The following SATB2 variants were observed in gnomAD, a reference collection of about 807,000 sequenced individuals.
SATB2 encodes DNA-binding protein SATB2.
In SATB2, 1 loss-of-function variant was observed where a neutral mutation model predicts 73.4. The ratio of observed to expected loss-of-function variants is 0.01; its 90% CI spans 0.00 to 0.06. The LOEUF (loss-of-function observed/expected upper bound fraction) is 0.06. SATB2 is among the 10% of genes least tolerant of loss of function. The pLI, the probability that SATB2 is intolerant of heterozygous loss-of-function variation, is 1.00. For synonymous variants in SATB2, 397 were observed against 367.0 expected (o/e 1.08, Z -0.93); for missense variants, 459 against 945.8 (o/e 0.49, Z 6.75).
At chr2:199,383,969 T>C (rs1689854709) in intron 3 of SATB2, among the ~76,000 whole-genome samples, 1 of 152,348 alleles carries the variant, frequency 6.6e-6, no homozygotes, top group South Asian at 2.1e-4. Context: ...GGTGGTTGCA[T>C]GGTTATACAA....
At chr2:199,367,984 C>T (rs1243297604) in intron 6 of SATB2, among the ~76,000 whole-genome samples, 1 of 151,984 alleles carries the variant, frequency 6.6e-6, no homozygotes, top group Non-Finnish European at 1.5e-5. Context: ...TAGTAGTATA[C>T]TATTATTTGT....
chr2:199,346,273 C>T (rs1688649102), intron 7 of SATB2, among the ~76,000 whole-genome samples: 2 of 151,982 alleles, frequency 1.3e-5, no homozygotes, highest in African/African-American at 4.8e-5. Flanking sequence ...CCTCAGCCTC[C>T]CAAGTAGCTG....
At chr2:199,330,965 G>A (rs935057732) in intron 7 of SATB2, among the ~76,000 whole-genome samples, 1 of 151,980 alleles carries the variant, frequency 6.6e-6, no homozygotes, top group South Asian at 2.1e-4. Flanking sequence ...GAGTTTTAGG[G>A]TCAACACGGA....
intron 6 of SATB2, among the ~76,000 whole-genome samples, chr2:199,351,837 C>T (rs1207132360): frequency 6.6e-6 from 1 of 152,114 alleles, no homozygotes; most frequent in African/African-American, 2.4e-5. Flanking sequence ...TTTTCAGGTT[C>T]TTAATAAGGA....
At chr2:199,407,476 C>G (rs1001831257) in intron 3 of SATB2, among the ~76,000 whole-genome samples, 5 of 152,030 alleles carry the variant, frequency 3.3e-5, no homozygotes, top group Non-Finnish European at 5.9e-5. Flanking sequence ...CTCTAAGAAT[C>G]TTATCAAAGA....
rs963462429 is a variant in SATB2, at chr2:199,414,673, C to G, written c.346+18665G>C. ...GTGACTCGGTGTGTCAAAGCGCTCA[C>G]TCAAGACTCCGGTGCCAGCCTTTCC... On this transcript the variant is annotated intron_variant, in intron 3 of 10. Transcript: ENST00000417098. Among the ~76,000 whole-genome samples the G allele has an allele frequency of 2.6e-5, 4 of 152,120 alleles. 1 individual carries two copies. Among genetic ancestry groups the G allele is most frequent in the Admixed American group, 2.6e-4 (4 of 15,268 alleles).
intron 2 of SATB2, among the ~76,000 whole-genome samples, chr2:199,440,819 G>A (rs964325012): frequency 5.3e-5 from 8 of 151,256 alleles, no homozygotes; most frequent in Non-Finnish European, 1.0e-4. Flanking sequence ...CAATTTTCCA[G>A]TTATGAGGAA....
rs1690340578 is a variant in SATB2 at position 199,397,658 on chromosome 2, G to A, written c.347-15838C>T. The stretch of plus-strand genomic sequence containing the variant: ...AATCCCAGTACTTTGGGAGGCCGAG[G>A]TGGGCATTTCACTTGAGGTCAGGAG... On this transcript the variant is annotated intron_variant, in intron 3 of 10. Coordinates refer to ENST00000417098, the MANE Select transcript of SATB2 (RefSeq NM_001172509.2). 5.5e-5 allele frequency: 14 copies of A among 254,322 alleles called. No individual in the cohort carries two copies. In the Admixed American group the frequency reaches 7.2e-4, roughly 13 times the overall value. 15.8% of individuals were successfully genotyped at this position (254,322 alleles called of 1,614,324 possible).
intron 3 of SATB2, among the ~76,000 whole-genome samples, chr2:199,390,639 T>C (rs999716380): frequency 5.9e-5 from 9 of 152,200 alleles, no homozygotes; most frequent in African/African-American, 1.7e-4. Context: ...TCATAACTTA[T>C]GTTTAGCCAG....
chr2:199,384,775 A>G (rs1456236418), intron 3 of SATB2, among the ~76,000 whole-genome samples: 1 of 152,236 alleles, frequency 6.6e-6, no homozygotes, highest in African/African-American at 2.4e-5. Context: ...CTGGAACAAT[A>G]AAAGTACTGA....
chr2:199,465,980 C>A (rs1245845125), upstream of SATB2, among the ~76,000 whole-genome samples: 2 of 152,212 alleles, frequency 1.3e-5, no homozygotes, highest in Non-Finnish European at 2.9e-5. Flanking sequence ...CCTGTGCACT[C>A]ATATCTCCTG....
intron 4 of SATB2, among the ~76,000 whole-genome samples, chr2:199,381,174 T>C (rs1032652038): frequency 7.3e-6 from 1 of 136,114 alleles, no homozygotes; most frequent in African/African-American, 2.7e-5. Context: ...CCAGAATCTC[T>C]GCAGGCCACA....
rs1214660863 is a variant in SATB2, at chr2:199,455,441, A to T, written c.169+428T>A. Among the ~76,000 whole-genome samples the T allele has an allele frequency of 6.6e-6, 1 of 152,220 alleles. No homozygotes were observed. Among genetic ancestry groups the T allele is most frequent in the Non-Finnish European group, 1.5e-5 (1 of 68,038 alleles). On this transcript the variant is annotated intron_variant, in intron 2 of 10. Coordinates refer to ENST00000417098, the MANE Select transcript of SATB2 (RefSeq NM_001172509.2). This position sits in a 1 kb window ranked among gnomAD's most constrained non-coding sequence, Gnocchi z 4.1. ...GAAGCACTGTCCTCACTACAAAGTA[A>T]CATCAACTCTCCTTGTTCCTGTACT...
chr2:199,398,186 TGGGTCATA>T (rs1017654121), intron 3 of SATB2, among the ~76,000 whole-genome samples: 3 of 152,222 alleles, frequency 2.0e-5, no homozygotes, highest in Admixed American at 2.0e-4. Context: ...CTAGAGAATC[TGGGTCATA>T]GGGAACTGCT....
At chr2:199,430,048 G>A (rs767347303) in intron 3 of SATB2, among the ~76,000 whole-genome samples, 2 of 152,124 alleles carry the variant, frequency 1.3e-5, no homozygotes, top group East Asian at 1.9e-4. Context: ...TTGCCATCAC[G>A]GCTGCCTCCC....
intron 10 of SATB2, among the ~76,000 whole-genome samples, chr2:199,287,662 A>G (rs1373187613): frequency 3.3e-5 from 5 of 152,156 alleles, no homozygotes; most frequent in Non-Finnish European, 7.4e-5. Flanking sequence ...GAAATAAAGC[A>G]TTACTATTAC....
At chr2:199,309,003 G>C in intron 9 of SATB2, 46 bp from the exon 10 acceptor site, 1 of 1,505,284 alleles carries the variant, frequency 6.6e-7, no homozygotes, top group Non-Finnish European at 9.2e-7. Context: ...GAGTGTAGAG[G>C]AGCTGAGGGG....
rs558418609 is a variant in SATB2, at chr2:199,350,814, G to A, written c.701-1641C>T. ...GAGGCTGGTGGATCACCTGAGGTCA[G>A]GAGTTTGATACCAGCCTGGCCAACA... On this transcript the variant is annotated intron_variant, in intron 6 of 10. Coordinates refer to ENST00000417098, the MANE Select transcript of SATB2 (RefSeq NM_001172509.2). Among the ~76,000 whole-genome samples the A allele has an allele frequency of 3.9e-5, 6 of 152,124 alleles. No homozygotes were observed. The South Asian group carries it at 1.2e-3, about 32-fold the overall frequency.
intron 3 of SATB2, among the ~76,000 whole-genome samples, chr2:199,398,557 A>G (rs1690372630): frequency 6.6e-6 from 1 of 152,216 alleles, no homozygotes; most frequent in Non-Finnish European, 1.5e-5. Context: ...GTTTTGAATT[A>G]GAATCAGATG....
Sources: allele counts gnomAD v4.1 joint callset (sites outside exome capture counted in the v4.1 genomes callset), GRCh38; gene constraint gnomAD v4.1.1; non-coding constraint Gnocchi (gnomAD v3.1); transcripts MANE v1.5; gene names NCBI Gene and HGNC (gene_info 2026-07-23, HGNC 2026-07-21).